Variants in MYH2 observed in about 807,000 individuals in gnomAD.
MYH2 encodes the protein myosin-2.
A neutral mutation model predicts 228.1 loss-of-function variants in MYH2; 139 were observed. That is an observed-to-expected ratio of 0.61 (90% CI 0.53 to 0.70). MYH2 has a LOEUF of 0.70. Among genes scored for constraint, MYH2 ranks in the 30% least tolerant of loss-of-function variants. MYH2 has a pLI of 0.00. For synonymous variants in MYH2, 796 were observed against 871.1 expected (o/e 0.91, Z 1.52); for missense variants, 1,809 against 2,357.5 (o/e 0.77, Z 4.82).
rs2073489566 is a variant in MYH2, at chr17:10,537,072, G to A, written c.1897+161C>T. On this transcript the variant is annotated intron_variant, in intron 16 of 39. Transcript: ENST00000245503. The surrounding 1 kb of genome is among the most constrained non-coding windows in gnomAD (Gnocchi z 4.0). Reference sequence around the variant, plus strand: ...ATAGGGCTCCTGTCAGCAGTGGAGTGAGCCACAAATGTATAATTACAAGGC... The same window carrying A: ...ATAGGGCTCCTGTCAGCAGTGGAGTAAGCCACAAATGTATAATTACAAGGC... Among the ~76,000 whole-genome samples the A allele has an allele frequency of 6.6e-6, 1 of 152,180 alleles. No homozygotes were observed. Among genetic ancestry groups the A allele is most frequent in the Admixed American group, 6.5e-5 (1 of 15,284 alleles).
chr17:10,547,128 T>G (rs566381597), intron 4 of MYH2, among the ~76,000 whole-genome samples: 29 of 152,218 alleles, frequency 1.9e-4, no homozygotes, highest in Middle Eastern at 3.4e-3. Context: ...TTAAAACATG[T>G]TTATCTTTTC....
intron 28 of MYH2, 37 bp downstream of exon 28, chr17:10,527,711 C>T: frequency 6.2e-7 from 1 of 1,613,530 alleles, no homozygotes; most frequent in Non-Finnish European, 8.5e-7. Context: ...ATCACATCCT[C>T]TCCACCCTGA....
chr17:10,522,803 G>T (rs1411052630), intron 39 of MYH2, among the ~76,000 whole-genome samples: 18 of 151,888 alleles, frequency 1.2e-4, no homozygotes, highest in Admixed American at 1.2e-3. Flanking sequence ...AAGTACTCAA[G>T]AATTTTTGCT....
In MYH2 at chr17:10,533,289, T is replaced by C. The variant is rs1432661365; in HGVS notation, c.2437A>G (p.Arg813Gly). ...ARVEYQRMVE[R>G]REAIFCIQYN... ...GAATAAACATATTTTTTATACCTTCTCTCCACCATCCTCTGGTACTCCACT... is the reference window on the plus strand; with the variant it reads ...GAATAAACATATTTTTTATACCTTCCCTCCACCATCCTCTGGTACTCCACT... Residue 813 changes from arginine to glycine, a missense_variant, in exon 21 of 40, where the codon AGA (arginine) becomes GGA (glycine). This residue lies in a region of MYH2 where 276 missense variants were observed against 344.2 expected (regional missense o/e 0.80). Transcript: ENST00000245503. 1 of 1,614,172 alleles carries C rather than the reference T, an allele frequency of 6.2e-7. No homozygotes were observed. Among genetic ancestry groups the C allele is most frequent in the East Asian group, 2.2e-5 (1 of 44,882 alleles).
chr17:10,529,476 T>G lies in MYH2; in HGVS notation c.3123A>C (p.Glu1041Asp). The change falls in exon 25 of 40, where the codon GAA becomes GAC. Residue 1041 changes from glutamate (E) to aspartate (D), a missense_variant. Around this residue, in one of 9 missense-constraint regions of MYH2, gnomAD observed 636 missense variants for 729.9 expected, o/e 0.87. Coordinates refer to ENST00000245503, the MANE Select transcript of MYH2 (RefSeq NM_017534.6). ...IKLEQQVDDL[E>D]GSLEQEKKLR... ...GTTTCTTTTCTTGCTCCAAGGACCCTTCAAGCTAAATATAAATTATGTTGA... is the reference window on the plus strand; with the variant it reads ...GTTTCTTTTCTTGCTCCAAGGACCCGTCAAGCTAAATATAAATTATGTTGA... 4 of 1,614,208 alleles carry G rather than the reference T, an allele frequency of 2.5e-6. No homozygotes were observed. Among genetic ancestry groups the G allele is most frequent in the Non-Finnish European group, 3.4e-6 (4 of 1,180,034 alleles).
In MYH2 at chr17:10,537,591, T is replaced by A; in HGVS notation, c.1588-49A>T. On this transcript the variant is annotated intron_variant, in intron 15 of 39. Coordinates refer to ENST00000245503, the MANE Select transcript of MYH2 (RefSeq NM_017534.6). The surrounding 1 kb of genome is among the most constrained non-coding windows in gnomAD (Gnocchi z 4.0). The stretch of plus-strand genomic sequence containing the variant: ...AATTGTACTTCTATTTTTTTTTCTG[T>A]CTATAGAATTAAAATAAAAAGCAGC... 1 of 1,614,080 alleles carries A rather than the reference T, an allele frequency of 6.2e-7. No homozygotes were observed. The highest frequency in any genetic ancestry group is 8.5e-7 in the Non-Finnish European group (1 of 1,179,984).
In MYH2 at chr17:10,523,685, A is replaced by C; in HGVS notation, c.5302-19T>G. 1 of 1,614,196 alleles carries C rather than the reference A, an allele frequency of 6.2e-7. No homozygotes were observed. The highest frequency in any genetic ancestry group is 8.5e-7 in the Non-Finnish European group (1 of 1,180,028). Reference sequence around the variant, plus strand: ...TGGCGGCCTAAATAGCAAATAAATCAAGAAAACCAAGAAAGTTATAGATGT... The same window carrying C: ...TGGCGGCCTAAATAGCAAATAAATCCAGAAAACCAAGAAAGTTATAGATGT... On this transcript the variant is annotated intron_variant, in intron 36 of 39. Coordinates refer to ENST00000245503, the MANE Select transcript of MYH2 (RefSeq NM_017534.6).
At position 10,528,996 on chromosome 17, in the gene MYH2, G is replaced by A. The variant is rs750785049; in HGVS notation, c.3438C>T (p.Ser1146=). 46 of 1,614,082 alleles carry A rather than the reference G, an allele frequency of 2.8e-5. No individual in the cohort carries two copies. In the South Asian group the frequency reaches 4.4e-4, roughly 15 times the overall value. Residue 1146 remains serine, a synonymous_variant, in exon 27 of 40, where the codon TCC becomes TCT. Coordinates refer to ENST00000245503, the MANE Select transcript of MYH2 (RefSeq NM_017534.6). ...TCTCGCTGATCTCCTCCAGCTCCCGGGAGAGGTCAGAGCGCTGCTTCTCTG... is the reference window on the plus strand; with the variant it reads ...TCTCGCTGATCTCCTCCAGCTCCCGAGAGAGGTCAGAGCGCTGCTTCTCTG... ...AKAEKQRSDL[S]RELEEISERL...
intron 11 of MYH2, 92 bp from the exon 12 acceptor site, chr17:10,540,158 A>G: frequency 1.3e-6 from 2 of 1,557,862 alleles, no homozygotes; most frequent in Non-Finnish European, 1.8e-6. Context: ...TGAGGAAACT[A>G]CCAGTGCTAA....
rs138646250 is a variant in MYH2 at position 10,547,559 on chromosome 17, G to T, written c.264C>A (p.Ile88=). The part of the protein sequence containing the change: ...FPMNPPKYDK[I]EDMAMMTHLH... Reference sequence around the variant, plus strand: ...GATGAGTCATCATGGCCATATCCTCGATCTTGTCATATTTGGGAGGGTTCA... The same window carrying T: ...GATGAGTCATCATGGCCATATCCTCTATCTTGTCATATTTGGGAGGGTTCA... The change falls in exon 4 of 40, where the codon ATC becomes ATA. Residue 88 remains isoleucine (I), a synonymous_variant. Transcript: ENST00000245503. The T allele has an allele frequency of 6.2e-7, 1 of 1,614,058 alleles. No homozygotes were observed. Among genetic ancestry groups the T allele is most frequent in the South Asian group, 1.1e-5 (1 of 91,070 alleles).
chr17:10,544,198 G>T lies in MYH2; in HGVS notation c.506-71C>A. 1.9e-6 allele frequency: 3 copies of T among 1,558,986 alleles called. No homozygotes were observed. In the Admixed American group the frequency reaches 5.2e-5, roughly 27 times the overall value. ...TGTAAATGATAAGTAAAGTAAAATG[G>T]AATGAACTTAGTATTATTCAGTCTG... On this transcript the variant is annotated intron_variant, in intron 5 of 39. Coordinates refer to ENST00000245503, the MANE Select transcript of MYH2 (RefSeq NM_017534.6).
intron 5 of MYH2, 28 bp from the exon 6 acceptor site, chr17:10,544,155 A>G: frequency 6.2e-7 from 1 of 1,607,974 alleles, no homozygotes; most frequent in Non-Finnish European, 8.5e-7. Flanking sequence ...GACATTTAAT[A>G]CTGTTTTCTT....
At position 10,524,373 on chromosome 17, in the gene MYH2, CAT is replaced by C; in HGVS notation, c.5175+91_5175+92del. On this transcript the variant is annotated intron_variant, in intron 35 of 39. Transcript: ENST00000245503. This position sits in a 1 kb window ranked among gnomAD's most constrained non-coding sequence, Gnocchi z 4.7. ...TTATTTGAAAAGAAAATTTGATAGA[CAT>C]ATTAGGTCTAGCTGTCTTATGAAAA... 6.7e-7 allele frequency: 1 copy of C among 1,500,850 alleles called. No homozygotes were observed. Among genetic ancestry groups the C allele is most frequent in the South Asian group, 1.1e-5 (1 of 88,470 alleles). 93.0% of individuals were successfully genotyped at this position (1,500,850 alleles called of 1,614,324 possible). A position where few individuals can be genotyped will look rare whatever the true frequency, so the allele number is the denominator to read the frequency against.
At chr17:10,530,188 T>G (rs927092588) in intron 22 of MYH2, 114 bp from the exon 23 acceptor site, 26 of 1,579,442 alleles carry the variant, frequency 1.6e-5, no homozygotes, top group Admixed American at 1.0e-4. Context: ...ATTTGTTTAC[T>G]CCTTCACAAA....
chr17:10,524,630 C>T lies in MYH2; in HGVS notation c.5011G>A (p.Glu1671Lys). 6.2e-7 allele frequency: 1 copy of T among 1,614,238 alleles called. No individual in the cohort carries two copies. The highest frequency in any genetic ancestry group is 1.7e-5 in the Admixed American group (1 of 60,030). ...IHLDDALRSQ[E>K]DLKEQLAMVE... is the part of the protein sequence containing the mutation. ...ATGGCCAGCTGTTCCTTCAGGTCCT[C>T]CTGGCTCCGGAGAGCATCATCCAGG... The change falls in exon 35 of 40, where the codon GAG becomes AAG. Residue 1671 changes from glutamate (E) to lysine (K), a missense_variant. This residue lies in a region of MYH2 where 75 missense variants were observed against 131.2 expected (regional missense o/e 0.57). Transcript: ENST00000245503. This position sits in a 1 kb window ranked among gnomAD's most constrained non-coding sequence, Gnocchi z 4.7.
At position 10,526,642 on chromosome 17, in the gene MYH2, C is replaced by T. The variant is rs2073357858; in HGVS notation, c.4144G>A (p.Glu1382Lys). ...TCTGTGCGCTGGATGGCGTCCGTCT[C>T]GTATTTGGTCCTCCATTGGGCAACC... The part of the protein sequence containing the change: ...TEVAQWRTKY[E>K]TDAIQRTEEL... Residue 1382 changes from glutamate to lysine, a missense_variant, in exon 30 of 40, where the codon GAG becomes AAG. Glu to Lys is a moderately conservative substitution (Grantham distance 56, BLOSUM62 1). Coordinates refer to ENST00000245503, the MANE Select transcript of MYH2 (RefSeq NM_017534.6). The T allele has an allele frequency of 4.3e-6, 7 of 1,613,888 alleles. No homozygotes were observed. The highest frequency in any genetic ancestry group is 1.3e-5 in the African/African-American group (1 of 74,924).
chr17:10,541,268 C>T (rs182550314), intron 10 of MYH2, among the ~76,000 whole-genome samples: 4 of 152,154 alleles, frequency 2.6e-5, no homozygotes, highest in South Asian at 2.1e-4. Flanking sequence ...GAAGAAATAT[C>T]GCTGAATTCT....
At position 10,525,454 on chromosome 17, in the gene MYH2, G is replaced by C. The variant is rs1286711473; in HGVS notation, c.4534C>G (p.Gln1512Glu). The stretch of plus-strand genomic sequence containing the variant: ...ATTGAATATGATAGGGACTTACGCT[G>C]TAAGTTTTTGTTCTCTCGCTTCAGG... ...ETLKRENKNL[Q>E]QEISDLTEQI... Residue 1512 changes from glutamine to glutamate, a missense_variant, in exon 32 of 40, where the codon CAG (glutamine) becomes GAG (glutamate). Physicochemically the swap from Gln to Glu is conservative, Grantham distance 29. Transcript: ENST00000245503. This position sits in a 1 kb window ranked among gnomAD's most constrained non-coding sequence, Gnocchi z 4.2. 3.1e-6 allele frequency: 5 copies of C among 1,614,064 alleles called. No homozygotes were observed. Among genetic ancestry groups the C allele is most frequent in the Non-Finnish European group, 4.2e-6 (5 of 1,180,026 alleles).
chr17:10,533,762 G>T, intron 19 of MYH2, 130 bp from the exon 20 acceptor site: 1 of 1,305,402 alleles, frequency 7.7e-7, no homozygotes, highest in Non-Finnish European at 1.1e-6. Context: ...GGAGAACATT[G>T]TTTATTTGAA....
Sources: allele counts gnomAD v4.1 joint callset (sites outside exome capture counted in the v4.1 genomes callset), GRCh38; gene constraint gnomAD v4.1.1; regional missense constraint gnomAD v4.1.1; non-coding constraint Gnocchi (gnomAD v3.1); transcripts MANE v1.5; gene names NCBI Gene and HGNC (gene_info 2026-07-23, HGNC 2026-07-21).